Variants in ZNF69 observed in about 807,000 individuals in gnomAD.
The protein encoded by ZNF69 is zinc finger protein 69.
ZNF69 carries 47 observed loss-of-function variants against 50.9 expected under a neutral mutation model. That is an observed-to-expected ratio of 0.92 (90% CI 0.73 to 1.18). The LOEUF (loss-of-function observed/expected upper bound fraction) is 1.18. Among genes scored for constraint, ZNF69 ranks in the 50% most tolerant of loss-of-function variants. The pLI is 0.00. For synonymous variants in ZNF69, 216 were observed against 223.1 expected, an observed-to-expected ratio of 0.97 and a Z score of 0.29; for missense variants, 717 against 675.1, an observed-to-expected ratio of 1.06 and a Z score of -0.69.
the ZNF69 span, among the ~76,000 whole-genome samples, chr19:11,957,481 A>G: frequency 6.6e-6 from 1 of 152,116 alleles, no homozygotes; most frequent in Admixed American, 6.6e-5. Flanking sequence ...CTGAACTTGC[A>G]AGTAAAAATA....
chr19:11,941,089 C>T, the ZNF69 span, among the ~76,000 whole-genome samples: 2 of 152,226 alleles, frequency 1.3e-5, no homozygotes, highest in Non-Finnish European at 2.9e-5. Context: ...CATTCACAAA[C>T]CCTGAGCTAG....
the ZNF69 span, among the ~76,000 whole-genome samples, chr19:11,965,465 C>T: frequency 1.3e-5 from 2 of 152,186 alleles, no homozygotes; most frequent in Non-Finnish European, 2.9e-5. Flanking sequence ...GGCAGTTCCG[C>T]GCCCGCAGCC....
In ZNF69 at chr19:11,905,342, T is replaced by G. The variant is rs1315154861; in HGVS notation, c.945T>G (p.Cys315Trp). ...QCKECGKAFT[C>W]PQYVRIHERT... ...AGGAATGTGGAAAAGCATTCACGTGTCCCCAGTATGTTCGTATACATGAAA... is the reference window on the plus strand; with the variant it reads ...AGGAATGTGGAAAAGCATTCACGTGGCCCCAGTATGTTCGTATACATGAAA... Residue 315 changes from cysteine to tryptophan, a missense_variant, in exon 4 of 4, where the codon TGT (cysteine) becomes TGG (tryptophan). Cys to Trp is a radical substitution (Grantham distance 215). Transcript: ENST00000429654. 6.2e-7 allele frequency: 1 copy of G among 1,613,990 alleles called. No homozygotes were observed. Among genetic ancestry groups the G allele is most frequent in the Non-Finnish European group, 8.5e-7 (1 of 1,180,006 alleles).
At chr19:11,950,272 C>G in the ZNF69 span, 2 of 1,594,024 alleles carry the variant, frequency 1.3e-6, no homozygotes, top group Non-Finnish European at 8.5e-7. Flanking sequence ...CTTTTATGGA[C>G]ATGAATAGAC....
the ZNF69 span, among the ~76,000 whole-genome samples, chr19:11,933,984 T>C: frequency 4.7e-5 from 7 of 148,032 alleles, 1 homozygote; most frequent in African/African-American, 1.9e-4. Context: ...CCACTCATTT[T>C]CTTTCATCAC....
chr19:11,909,193 CAA>C (rs1170105597), downstream of ZNF69, among the ~76,000 whole-genome samples: 1 of 151,946 alleles, frequency 6.6e-6, no homozygotes, highest in Non-Finnish European at 1.5e-5. Context: ...GACTACCAAC[CAA>C]AAAAAGTCAA....
chr19:11,925,473 G>A, the ZNF69 span, among the ~76,000 whole-genome samples: 16 of 152,116 alleles, frequency 1.1e-4, no homozygotes, highest in Non-Finnish European at 2.9e-5. Context: ...GTCCTGTCCC[G>A]TCCCTGCGCG....
chr19:11,902,460 T>C (rs1252310349), intron 1 of ZNF69, among the ~76,000 whole-genome samples: 1 of 151,958 alleles, frequency 6.6e-6, no homozygotes, highest in Admixed American at 6.6e-5. Flanking sequence ...CTCTTAAGAG[T>C]TTCTTGTTTG....
chr19:11,965,257 T>C, the ZNF69 span: 6 of 1,612,918 alleles, frequency 3.7e-6, no homozygotes, highest in Non-Finnish European at 3.4e-6. Context: ...AGAGGCTGCC[T>C]GGAACCGGCC....
At chr19:11,959,354 A>C in the ZNF69 span, among the ~76,000 whole-genome samples, 1 of 152,206 alleles carries the variant, frequency 6.6e-6, no homozygotes, top group Non-Finnish European at 1.5e-5. Context: ...ATACCACCCC[A>C]AAAAATAAAT....
At chr19:11,896,826 AT>A (rs1394553317) in intron 1 of ZNF69, among the ~76,000 whole-genome samples, 1 of 152,030 alleles carries the variant, frequency 6.6e-6, no homozygotes, top group Non-Finnish European at 1.5e-5. Flanking sequence ...TTTTTTCTTA[AT>A]TTTAGTGAAA....
rs745821558 is a variant in ZNF69, at chr19:11,905,359, T to G, written c.962T>G (p.Ile321Arg). Residue 321 changes from isoleucine (I) to arginine (R), a missense_variant, in exon 4 of 4, where the codon ATA becomes AGA. Coordinates refer to ENST00000429654, the MANE Select transcript of ZNF69 (RefSeq NM_001364730.1). ...TTCACGTGTCCCCAGTATGTTCGTA[T>G]ACATGAAAGGACCCACTCTAGGAAA... ...KAFTCPQYVR[I>R]HERTHSRKKP... The G allele has an allele frequency of 1.4e-5, 22 of 1,613,998 alleles. No individual in the cohort carries two copies. The highest frequency in any genetic ancestry group is 2.2e-5 in the East Asian group (1 of 44,888).
the ZNF69 span, among the ~76,000 whole-genome samples, chr19:11,951,691 G>A: frequency 2.0e-5 from 3 of 152,230 alleles, no homozygotes; most frequent in Non-Finnish European, 4.4e-5. Flanking sequence ...TGGGATGTAT[G>A]AGAATTACAA....
the ZNF69 span, chr19:11,949,606 A>T: frequency 6.2e-7 from 1 of 1,613,098 alleles, no homozygotes; most frequent in African/African-American, 1.3e-5. Context: ...AACACATGAA[A>T]AAACTCACAC....
intron 4 of ZNF69, among the ~76,000 whole-genome samples, chr19:11,911,812 A>C (rs979719879): frequency 6.6e-6 from 1 of 152,186 alleles, no homozygotes; most frequent in African/African-American, 2.4e-5. Flanking sequence ...TAGAACTTAA[A>C]GTATAATAAT....
chr19:11,939,716 C>T, the ZNF69 span, among the ~76,000 whole-genome samples: 1 of 152,150 alleles, frequency 6.6e-6, no homozygotes, highest in Non-Finnish European at 1.5e-5. Flanking sequence ...CTGCCTTGGC[C>T]TCCTAAAGTA....
the ZNF69 span, among the ~76,000 whole-genome samples, chr19:11,954,891 C>T: frequency 6.6e-6 from 1 of 150,974 alleles, no homozygotes; most frequent in African/African-American, 2.4e-5. Flanking sequence ...TTGTAAATTG[C>T]ATTTTCATTA....
chr19:11,971,041 G>A, the ZNF69 span, among the ~76,000 whole-genome samples: 1 of 152,160 alleles, frequency 6.6e-6, no homozygotes, highest in Non-Finnish European at 1.5e-5. Flanking sequence ...CTTAATTAGT[G>A]TAGAGTTCAA....
chr19:11,975,420 C>T, the ZNF69 span, among the ~76,000 whole-genome samples: 1 of 144,494 alleles, frequency 6.9e-6, no homozygotes, highest in African/African-American at 2.6e-5. Flanking sequence ...TTTTTTGAGA[C>T]AGAGTCTTGC....
Sources: gnomAD v4.1 joint callset for allele counts (sites outside exome capture counted in the v4.1 genomes callset) on GRCh38, gnomAD v4.1.1 for gene constraint, MANE v1.5 for transcripts, NCBI Gene and HGNC (gene_info 2026-07-23, HGNC 2026-07-21) for gene names.